Variants in TRPS1 observed in about 807,000 individuals in gnomAD.
The protein encoded by TRPS1 is zinc finger transcription factor Trps1.
In TRPS1, 6 loss-of-function variants were observed where a neutral mutation model predicts 101.2. That is an observed-to-expected ratio of 0.06 (90% CI 0.03 to 0.12). The LOEUF is 0.12. Among genes scored for constraint, TRPS1 ranks in the 10% least tolerant of loss-of-function variants. The probability of loss-of-function intolerance (pLI) is 1.00; values close to 1 mark genes in which losing one functional copy is unlikely to be tolerated. For synonymous variants in TRPS1, 578 were observed against 589.8 expected, an observed-to-expected ratio of 0.98 and a Z score of 0.29; for missense variants, 1,363 against 1,567.0, an observed-to-expected ratio of 0.87 and a Z score of 2.20.
At chr8:115,606,704 G>A (rs978571673) in intron 3 of TRPS1, among the ~76,000 whole-genome samples, 2 of 149,772 alleles carry the variant, frequency 1.3e-5, no homozygotes, top group Non-Finnish European at 3.0e-5. Context: ...ACTAAAACTT[G>A]CACTGAAATA....
At chr8:115,666,594 T>C (rs772401392) in intron 1 of TRPS1, among the ~76,000 whole-genome samples, 5 of 152,218 alleles carry the variant, frequency 3.3e-5, no homozygotes, top group Non-Finnish European at 7.3e-5. Context: ...GACTTTCCTC[T>C]GCTGTCCCTT....
At chr8:115,592,519 A>G (rs1817698484) in intron 4 of TRPS1, among the ~76,000 whole-genome samples, 1 of 152,190 alleles carries the variant, frequency 6.6e-6, no homozygotes, top group Admixed American at 6.6e-5. Context: ...GCTATTGAAC[A>G]CCACTAGGTG....
intron 5 of TRPS1, among the ~76,000 whole-genome samples, chr8:115,501,655 C>T (rs1469884243): frequency 6.6e-6 from 1 of 152,094 alleles, no homozygotes; most frequent in Non-Finnish European, 1.5e-5. Flanking sequence ...AACAAAAAAC[C>T]CAGTTACTTC....
At chr8:115,546,581 G>GACACACACACACACACAC (rs71287285) in intron 5 of TRPS1, among the ~76,000 whole-genome samples, 2 of 147,808 alleles carry the variant, frequency 1.4e-5, no homozygotes, top group East Asian at 2.0e-4. Context: ...TGTAAAATGT[G>GACACACACACACACACAC]ACACACACAC....
At chr8:115,472,371 A>C (rs1814493520) in intron 5 of TRPS1, among the ~76,000 whole-genome samples, 1 of 152,056 alleles carries the variant, frequency 6.6e-6, no homozygotes, top group South Asian at 2.1e-4. Context: ...GCCACAGCTG[A>C]AACACAGGTC....
At chr8:115,499,655 G>C (rs16887499) in intron 5 of TRPS1, among the ~76,000 whole-genome samples, 5,571 of 152,312 alleles carry the variant, frequency 0.037, 378 homozygotes, top group African/African-American at 0.13. Flanking sequence ...GAAACTCGCA[G>C]ATGTCTCTAG....
chr8:115,538,696 GATACC>G (rs1332702063), intron 5 of TRPS1, among the ~76,000 whole-genome samples: 2 of 151,952 alleles, frequency 1.3e-5, no homozygotes, highest in African/African-American at 4.8e-5. Flanking sequence ...CTCTGTGCTA[GATACC>G]ATATGTTTTC....
chr8:115,664,302 G>A lies in TRPS1; in HGVS notation c.-122+4243C>T, dbSNP rs1366564655. On this transcript the variant is annotated intron_variant, in intron 1 of 6. Transcript: ENST00000395715. ...TTTAATGTAAATAATTGCAAAGTAT[G>A]TTAGTCTTTTCTATACATGACAAGC... Among the ~76,000 whole-genome samples the A allele has an allele frequency of 2.0e-5, 3 of 152,142 alleles. No individual in the cohort carries two copies. The South Asian group carries it at 6.2e-4, about 32-fold the overall frequency.
At chr8:115,445,761 G>A (rs563766181) in intron 5 of TRPS1, among the ~76,000 whole-genome samples, 1 of 152,216 alleles carries the variant, frequency 6.6e-6, no homozygotes, top group East Asian at 1.9e-4. Context: ...ATCGCAGAAG[G>A]TGAGATAGAG....
chr8:115,475,816 A>T (rs182038189), intron 5 of TRPS1, among the ~76,000 whole-genome samples: 4,885 of 152,200 alleles, frequency 0.032, 251 homozygotes, highest in African/African-American at 0.11. Context: ...ATGTGGGAGG[A>T]GTTCTACATC....
At chr8:115,472,271 C>T (rs1467829070) in intron 5 of TRPS1, among the ~76,000 whole-genome samples, 3 of 152,226 alleles carry the variant, frequency 2.0e-5, no homozygotes, top group Non-Finnish European at 4.4e-5. Context: ...CTTCTGTGAA[C>T]CTTCAGGCCC....
intron 5 of TRPS1, among the ~76,000 whole-genome samples, chr8:115,519,125 G>T: frequency 6.6e-6 from 1 of 150,828 alleles, no homozygotes. Context: ...CTACTTTTTC[G>T]TTTTTCTTAT....
chr8:115,637,534 G>A (rs1202867811), intron 1 of TRPS1, among the ~76,000 whole-genome samples: 1 of 152,142 alleles, frequency 6.6e-6, no homozygotes, highest in Non-Finnish European at 1.5e-5. Context: ...CATTAATGGA[G>A]ACATTAATGA....
intron 5 of TRPS1, among the ~76,000 whole-genome samples, chr8:115,504,247 C>A (rs1815387049): frequency 1.3e-5 from 2 of 152,064 alleles, no homozygotes; most frequent in Admixed American, 1.3e-4. Flanking sequence ...TGTCCAAGGC[C>A]AAGGGGAATG....
At chr8:115,665,179 T>C (rs1271860756) in intron 1 of TRPS1, among the ~76,000 whole-genome samples, 1 of 152,166 alleles carries the variant, frequency 6.6e-6, no homozygotes, top group African/African-American at 2.4e-5. Context: ...AATTTCAAAT[T>C]TGGAATAAAG....
At chr8:115,571,071 A>G (rs2130395473) in intron 5 of TRPS1, among the ~76,000 whole-genome samples, 1 of 152,272 alleles carries the variant, frequency 6.6e-6, no homozygotes, top group South Asian at 2.1e-4. Flanking sequence ...CACCCACTAT[A>G]TAGTTAGGTT....
intron 5 of TRPS1, among the ~76,000 whole-genome samples, chr8:115,439,802 T>A (rs540680759): frequency 6.6e-6 from 1 of 152,200 alleles, no homozygotes; most frequent in Non-Finnish European, 1.5e-5. Flanking sequence ...AGAAAATGAA[T>A]TGAATCAACA....
chr8:115,605,325 T>A, intron 3 of TRPS1, among the ~76,000 whole-genome samples: 1 of 152,238 alleles, frequency 6.6e-6, no homozygotes, highest in Non-Finnish European at 1.5e-5. Context: ...TACATTTTAC[T>A]ATTGCCTCCT....
chr8:115,444,018 T>C (rs1813670533), intron 5 of TRPS1, among the ~76,000 whole-genome samples: 1 of 152,222 alleles, frequency 6.6e-6, no homozygotes, highest in Admixed American at 6.5e-5. Context: ...AGATCCCCAT[T>C]ATTTAGAGAA....
Sources: gnomAD v4.1 joint callset for allele counts (sites outside exome capture counted in the v4.1 genomes callset) on GRCh38, gnomAD v4.1.1 for gene constraint, MANE v1.5 for transcripts, NCBI Gene and HGNC (gene_info 2026-07-23, HGNC 2026-07-21) for gene names.